Variants in ATP10B observed in about 807,000 individuals in gnomAD.
The protein encoded by ATP10B is ATPase phospholipid transporting 10B (putative), also known as phospholipid-transporting ATPase VB.
ATP10B carries 122 observed loss-of-function variants against 141.2 expected under a neutral mutation model. The ratio of observed to expected loss-of-function variants is 0.86; its 90% CI spans 0.75 to 1.00. The LOEUF is 1.00. ATP10B is among the 50% of genes least tolerant of loss of function. The probability of loss-of-function intolerance (pLI) is 0.00; values close to 1 mark genes in which losing one functional copy is unlikely to be tolerated. For missense variants in ATP10B, 1,876 were observed against 1,825.3 expected, an observed-to-expected ratio of 1.03 and a Z score of -0.51; for synonymous variants, 685 against 692.0, an observed-to-expected ratio of 0.99 and a Z score of 0.16.
chr5:160,696,434 T>C (rs1388820917), intron 3 of ATP10B, among the ~76,000 whole-genome samples: 3 of 152,164 alleles, frequency 2.0e-5, no homozygotes, highest in African/African-American at 7.2e-5. Context: ...AACTTTGGTT[T>C]TGAGCTAAAC....
intron 22 of ATP10B, among the ~76,000 whole-genome samples, chr5:160,596,698 C>G (rs1044128992): frequency 2.1e-4 from 32 of 151,894 alleles, no homozygotes; most frequent in Non-Finnish European, 3.7e-4. Context: ...AGCAAAGTCT[C>G]AGGATACAAA....
chr5:160,857,762 C>T, the ATP10B span, among the ~76,000 whole-genome samples: 1 of 151,750 alleles, frequency 6.6e-6, no homozygotes, highest in African/African-American at 2.4e-5. Flanking sequence ...CTGTTTTATT[C>T]ATGAGCTATT....
At chr5:160,928,305 A>G in the ATP10B span, among the ~76,000 whole-genome samples, 1 of 152,108 alleles carries the variant, frequency 6.6e-6, no homozygotes, top group Non-Finnish European at 1.5e-5. Flanking sequence ...ACAGTCTCCA[A>G]CCCCACAAGA....
In ATP10B at chr5:160,565,445, G is replaced by T; in HGVS notation, c.*8C>A. ...CTCTGTTGAGTTTGTACAGATTTCT[G>T]CAGCTCCTCATATGGTCAGTGAACT... On this transcript the variant is annotated 3_prime_UTR_variant, in exon 26 of 26. Transcript: ENST00000327245. 1 of 1,613,168 alleles carries T rather than the reference G, an allele frequency of 6.2e-7. No individual in the cohort carries two copies. Among genetic ancestry groups the T allele is most frequent in the Non-Finnish European group, 8.5e-7 (1 of 1,179,360 alleles).
the ATP10B span, among the ~76,000 whole-genome samples, chr5:160,921,457 T>C: frequency 2.0e-5 from 3 of 152,200 alleles, no homozygotes; most frequent in Admixed American, 1.3e-4. Flanking sequence ...ACCATCTATC[T>C]CCAGAATGAC....
At chr5:160,621,804 T>A (rs1478397175) in intron 14 of ATP10B, among the ~76,000 whole-genome samples, 1 of 152,208 alleles carries the variant, frequency 6.6e-6, no homozygotes, top group Admixed American at 6.5e-5. Context: ...TTTCAGAGTA[T>A]AACTTCACAT....
intron 22 of ATP10B, among the ~76,000 whole-genome samples, 161 bp from the exon 23 acceptor site, chr5:160,591,300 G>T (rs1756277972): frequency 6.6e-6 from 1 of 152,164 alleles, no homozygotes; most frequent in South Asian, 2.1e-4. Flanking sequence ...AGACTTGGGG[G>T]TGACAGACTT....
chr5:160,580,244 T>G (rs1755457094), intron 24 of ATP10B, among the ~76,000 whole-genome samples: 1 of 152,176 alleles, frequency 6.6e-6, no homozygotes, highest in African/African-American at 2.4e-5. Flanking sequence ...TTTCTGTCGG[T>G]TTTCAAGGGG....
intron 1 of ATP10B, among the ~76,000 whole-genome samples, chr5:160,817,118 C>T (rs1773695552): frequency 6.6e-6 from 1 of 152,156 alleles, no homozygotes; most frequent in African/African-American, 2.4e-5. Flanking sequence ...TCTCTCACCA[C>T]TCCTATTCAA....
upstream of ATP10B, among the ~76,000 whole-genome samples, chr5:160,853,882 TCA>T (rs935085542): frequency 2.0e-5 from 3 of 152,198 alleles, no homozygotes; most frequent in African/African-American, 4.8e-5. Flanking sequence ...AAAATCACAC[TCA>T]CAGAGTTTTA....
intron 12 of ATP10B, 133 bp downstream of exon 12, chr5:160,634,221 A>G: frequency 8.0e-7 from 1 of 1,243,798 alleles, no homozygotes; most frequent in Non-Finnish European, 1.2e-6. Context: ...CCACAGGGAT[A>G]CAGGAAGCAA....
At chr5:160,898,015 C>G in the ATP10B span, among the ~76,000 whole-genome samples, 1 of 152,184 alleles carries the variant, frequency 6.6e-6, no homozygotes, top group African/African-American at 2.4e-5. Context: ...TGGACCTCTT[C>G]CTTACATCTT....
intron 1 of ATP10B, among the ~76,000 whole-genome samples, chr5:160,796,958 G>A (rs1771990556): frequency 6.6e-6 from 1 of 152,146 alleles, no homozygotes; most frequent in Non-Finnish European, 1.5e-5. Context: ...ATCTTCTTAG[G>A]GTGGGAACTG....
At chr5:160,893,219 G>A in the ATP10B span, among the ~76,000 whole-genome samples, 1 of 152,076 alleles carries the variant, frequency 6.6e-6, no homozygotes, top group Non-Finnish European at 1.5e-5. Flanking sequence ...CCCTGAAAAG[G>A]GGGCTGAAGC....
At chr5:160,815,154 A>G (rs1335101616) in intron 1 of ATP10B, among the ~76,000 whole-genome samples, 1 of 152,232 alleles carries the variant, frequency 6.6e-6, no homozygotes, top group Non-Finnish European at 1.5e-5. Flanking sequence ...TTAAATGTAA[A>G]TGGGCTAAAA....
intron 6 of ATP10B, among the ~76,000 whole-genome samples, chr5:160,680,183 A>G (rs1292950113): frequency 6.6e-6 from 1 of 151,784 alleles, no homozygotes; most frequent in East Asian, 1.9e-4. Context: ...CTAGTATTCA[A>G]TTGCACAAAA....
chr5:160,909,989 C>G, the ATP10B span, among the ~76,000 whole-genome samples: 1 of 152,170 alleles, frequency 6.6e-6, no homozygotes, highest in Admixed American at 6.5e-5. Context: ...CACCTTTGAG[C>G]TTTAGTTCCT....
intron 3 of ATP10B, among the ~76,000 whole-genome samples, chr5:160,696,813 A>G (rs1764388881): frequency 6.6e-6 from 1 of 152,240 alleles, no homozygotes; most frequent in Non-Finnish European, 1.5e-5. Context: ...GCACCCAAGC[A>G]TTGTAGTAGA....
At chr5:160,815,466 C>A (rs946588625) in intron 1 of ATP10B, among the ~76,000 whole-genome samples, 11 of 152,198 alleles carry the variant, frequency 7.2e-5, no homozygotes, top group African/African-American at 2.7e-4. Context: ...GCACCCAATA[C>A]AGGAGCACCC....
Sources: allele counts gnomAD v4.1 joint callset (sites outside exome capture counted in the v4.1 genomes callset), GRCh38; gene constraint gnomAD v4.1.1; transcripts MANE v1.5; gene names NCBI Gene and HGNC (gene_info 2026-07-23, HGNC 2026-07-21).